Variants in FKTN observed in about 807,000 individuals in gnomAD.
FKTN encodes the protein ribitol-5-phosphate transferase FKTN.
Under a neutral mutation model 58.6 loss-of-function variants are expected in FKTN, and 47 were observed. The ratio of observed to expected loss-of-function variants is 0.80; its 90% confidence interval spans 0.63 to 1.02. The LOEUF (loss-of-function observed/expected upper bound fraction) is 1.02. Among genes scored for constraint, FKTN ranks in the 50% least tolerant of loss-of-function variants. The pLI, the probability that FKTN is intolerant of heterozygous loss-of-function variation, is 0.00. For synonymous variants in FKTN, 178 were observed against 191.9 expected (o/e 0.93, Z 0.60); for missense variants, 516 against 537.3 (o/e 0.96, Z 0.39).
chr9:105,626,288 CAG>C lies in FKTN; in HGVS notation c.1172+6229_1172+6230del, dbSNP rs1432601817. Among the ~76,000 whole-genome samples the C allele has an allele frequency of 2.0e-5, 3 of 152,116 alleles. No individual in the cohort carries two copies. The East Asian group carries it at 5.8e-4, about 29-fold the overall frequency. Reference sequence around the variant, plus strand: ...TACCATAAACTGGGTGGCTCATAAACAGAAATTTATTTCTCAGGTTTCTGGAT... The same window carrying C: ...TACCATAAACTGGGTGGCTCATAAACAAATTTATTTCTCAGGTTTCTGGAT... On this transcript the variant is annotated intron_variant, in intron 10 of 10. Coordinates refer to ENST00000357998, the MANE Select transcript of FKTN (RefSeq NM_001079802.2).
At chr9:105,560,690 A>G (rs962071369) in intron 1 of FKTN, among the ~76,000 whole-genome samples, 1 of 152,194 alleles carries the variant, frequency 6.6e-6, no homozygotes, top group African/African-American at 2.4e-5. Flanking sequence ...GTCACACTCT[A>G]AGCCCTGTGT....
At chr9:105,575,518 C>A (rs1226901668) in intron 3 of FKTN, among the ~76,000 whole-genome samples, 1 of 151,982 alleles carries the variant, frequency 6.6e-6, no homozygotes, top group Non-Finnish European at 1.5e-5. Flanking sequence ...GTATGACTTA[C>A]CTTTATCTGT....
intron 3 of FKTN, among the ~76,000 whole-genome samples, chr9:105,595,909 C>T (rs2132577759): frequency 6.6e-6 from 1 of 152,294 alleles, no homozygotes; most frequent in South Asian, 2.1e-4. Context: ...AAACATTCTT[C>T]CTTTTGTCTC....
intron 10 of FKTN, among the ~76,000 whole-genome samples, chr9:105,623,783 C>T (rs1158602863): frequency 1.3e-5 from 2 of 152,140 alleles, no homozygotes. Flanking sequence ...TTAAAGTACT[C>T]TGATAGCAGT....
At chr9:105,615,220 A>C in intron 7 of FKTN, 58 bp from the exon 8 acceptor site, 1 of 1,579,198 alleles carries the variant, frequency 6.3e-7, no homozygotes, top group Non-Finnish European at 8.7e-7. Flanking sequence ...GATGCCACAG[A>C]AAGGTTCCTA....
Position 105,564,508 on chromosome 9 carries a change from C to G in FKTN, c.-181+6343C>G, listed in dbSNP as rs150757640. 3.9e-3 allele frequency among the ~76,000 whole-genome samples: 594 copies of G among 152,288 alleles called. 6 individuals carry two copies. The highest frequency in any genetic ancestry group is 0.013 in the African/African-American group (541 of 41,562). On this transcript the variant is annotated intron_variant, in intron 1 of 10. Transcript: ENST00000357998. ...GAGAACTACATGAAGAATGCACAAG[C>G]TTCAGTAGCCGATTTGATCAACTGG...
rs1834162270 is a variant in FKTN at position 105,638,069 on chromosome 9, T to C, written c.*2805T>C. 4.1e-6 allele frequency: 4 copies of C among 971,924 alleles called. No individual in the cohort carries two copies. In the South Asian group the frequency reaches 1.4e-4, roughly 35 times the overall value. 60.2% of individuals were successfully genotyped at this position (971,924 alleles called of 1,614,324 possible). On this transcript the variant is annotated 3_prime_UTR_variant, in exon 11 of 11. Coordinates refer to ENST00000357998, the MANE Select transcript of FKTN (RefSeq NM_001079802.2). ...CTTAAAAGCTAGAAAAACCATAATG[T>C]AATATTCTTTTTAAACCCTCTTATT...
At chr9:105,600,711 CAA>C (rs1423495547) in intron 4 of FKTN, among the ~76,000 whole-genome samples, 1 of 152,092 alleles carries the variant, frequency 6.6e-6, no homozygotes, top group Non-Finnish European at 1.5e-5. Flanking sequence ...GAAAGATTAA[CAA>C]GACTGATTTT....
chr9:105,620,456 C>A (rs1292759181), intron 10 of FKTN, among the ~76,000 whole-genome samples: 2 of 152,178 alleles, frequency 1.3e-5, no homozygotes, highest in African/African-American at 2.4e-5. Context: ...AGTAATACTA[C>A]TGTGTGTCAG....
chr9:105,582,039 C>G (rs543859418), intron 3 of FKTN, among the ~76,000 whole-genome samples: 1 of 152,120 alleles, frequency 6.6e-6, no homozygotes, highest in African/African-American at 2.4e-5. Flanking sequence ...GCACGGTGCG[C>G]GCACCCACTA....
intron 8 of FKTN, among the ~76,000 whole-genome samples, chr9:105,615,974 A>T (rs1830735086): frequency 6.6e-6 from 1 of 152,170 alleles, no homozygotes; most frequent in African/African-American, 2.4e-5. Flanking sequence ...ACATGATGAG[A>T]TGAAGGGAGA....
Position 105,637,488 on chromosome 9 carries a change from G to T in FKTN, c.*2224G>T. ...CAAAAGCCTTCTCTAGAATCTGAAG[G>T]CCAGGCTTACCTCTGATTCTGATTC... On this transcript the variant is annotated 3_prime_UTR_variant, in exon 11 of 11. Coordinates refer to ENST00000357998, the MANE Select transcript of FKTN (RefSeq NM_001079802.2). 1.0e-6 allele frequency: 1 copy of T among 985,418 alleles called. No individual in the cohort carries two copies. The highest frequency in any genetic ancestry group is 1.2e-6 in the Non-Finnish European group (1 of 829,942). The allele number at this position is 985,418 out of a possible 1,614,324, so 61.0% of individuals were successfully genotyped here.
chr9:105,572,381 C>G (rs975861683), intron 1 of FKTN, among the ~76,000 whole-genome samples: 9 of 152,064 alleles, frequency 5.9e-5, no homozygotes, highest in African/African-American at 2.2e-4. Context: ...TACCATGAAA[C>G]AACAAGGAAA....
At chr9:105,581,542 G>A (rs1480925621) in intron 3 of FKTN, among the ~76,000 whole-genome samples, 10 of 151,626 alleles carry the variant, frequency 6.6e-5, no homozygotes, top group Admixed American at 3.9e-4. Flanking sequence ...CTCCAGCTGC[G>A]TGCTGGGAGA....
intron 1 of FKTN, among the ~76,000 whole-genome samples, chr9:105,571,185 G>C (rs963825872): frequency 6.6e-6 from 1 of 152,150 alleles, no homozygotes; most frequent in African/African-American, 2.4e-5. Context: ...TGGAGACAGG[G>C]ACATCAGTTA....
Position 105,629,311 on chromosome 9 carries a change from A to C in FKTN, c.1173-5740A>C, listed in dbSNP as rs78861207. On this transcript the variant is annotated intron_variant, in intron 10 of 10. Transcript: ENST00000357998. ...TGAGATCACAGGTTGAAACAGAGGG[A>C]TATATGGGACCAAAAGCAATGAATT... Among the ~76,000 whole-genome samples the C allele has an allele frequency of 8.3e-3, 1,268 of 152,322 alleles. 20 individuals carry two copies. The highest frequency in any genetic ancestry group is 0.029 in the African/African-American group (1,210 of 41,560).
At chr9:105,570,625 T>G (rs933729932) in intron 1 of FKTN, among the ~76,000 whole-genome samples, 1 of 152,160 alleles carries the variant, frequency 6.6e-6, no homozygotes, top group African/African-American at 2.4e-5. Flanking sequence ...AAAACTCCTG[T>G]ACTCACCTTT....
At chr9:105,567,629 A>G (rs975372744) in intron 1 of FKTN, among the ~76,000 whole-genome samples, 22 of 152,346 alleles carry the variant, frequency 1.4e-4, no homozygotes, top group African/African-American at 5.1e-4. Flanking sequence ...CCACTGCTCA[A>G]CGAAATAAAA....
intron 3 of FKTN, among the ~76,000 whole-genome samples, chr9:105,577,744 G>A (rs1236475535): frequency 1.3e-5 from 2 of 150,870 alleles, no homozygotes; most frequent in East Asian, 1.9e-4. Context: ...CATTGAATCT[G>A]TAAATTACCT....
Sources: gnomAD v4.1 joint callset for allele counts (sites outside exome capture counted in the v4.1 genomes callset) on GRCh38, gnomAD v4.1.1 for gene constraint, MANE v1.5 for transcripts, NCBI Gene and HGNC (gene_info 2026-07-23, HGNC 2026-07-21) for gene names.